Variants in TRPC5 observed in about 807,000 individuals in gnomAD.
TRPC5 encodes the protein transient receptor potential cation channel subfamily C member 5.
Under a neutral mutation model 56.5 loss-of-function variants are expected in TRPC5, and 9 were observed. The ratio of observed to expected loss-of-function variants is 0.16; its 90% CI spans 0.10 to 0.28. TRPC5 has a LOEUF of 0.28. Among genes scored for constraint, TRPC5 ranks in the 10% least tolerant of loss-of-function variants. The pLI, the probability that TRPC5 is intolerant of heterozygous loss-of-function variation, is 1.00. For missense variants in TRPC5, 469 were observed against 748.9 expected, an observed-to-expected ratio of 0.63 and a Z score of 4.36; for synonymous variants, 282 against 278.5, an observed-to-expected ratio of 1.01 and a Z score of -0.13.
At chrX:112,025,594 C>T (rs185791100) in intron 1 of TRPC5, among the ~76,000 whole-genome samples, 20 of 111,766 alleles carry the variant, frequency 1.8e-4, no homozygotes, top group Non-Finnish European at 3.0e-4. Flanking sequence ...CTTCCACTCT[C>T]CATGTGTTTG....
intron 7 of TRPC5, among the ~76,000 whole-genome samples, chrX:111,788,092 C>T (rs113963655): frequency 0.023 from 2,543 of 111,523 alleles, 68 homozygotes; most frequent in African/African-American, 0.079. Context: ...ATACCAAAGC[C>T]GGGCAGAGAT....
chrX:112,054,216 AC>A (rs1930285800), intron 1 of TRPC5, among the ~76,000 whole-genome samples: 3 of 111,214 alleles, frequency 2.7e-5, no homozygotes, highest in Non-Finnish European at 5.7e-5. Flanking sequence ...TATGGAGAGT[AC>A]CTCTTTGGGG....
Position 112,076,916 on chromosome X carries a change from C to T in TRPC5, c.-22+4963G>A, listed in dbSNP as rs764764698. ...TCTGTAGAAAACCCAGTAAGATTCA[C>T]GTCAATTAGAAATAATGCTAGGTGC... On this transcript the variant is annotated intron_variant, in intron 1 of 10. Coordinates refer to ENST00000262839, the MANE Select transcript of TRPC5 (RefSeq NM_012471.3). Among the ~76,000 whole-genome samples the T allele has an allele frequency of 7.1e-5, 8 of 111,986 alleles. No individual in the cohort carries two copies. The East Asian group carries it at 8.3e-4, about 12-fold the overall frequency.
intron 7 of TRPC5, among the ~76,000 whole-genome samples, chrX:111,792,559 C>T (rs981301937): frequency 6.3e-5 from 7 of 111,839 alleles, no homozygotes; most frequent in Non-Finnish European, 1.3e-4. Context: ...CAAGAGAATA[C>T]CTGGGAGAGG....
chrX:112,059,912 G>T (rs776863482), intron 1 of TRPC5, among the ~76,000 whole-genome samples: 1 of 112,016 alleles, frequency 8.9e-6, no homozygotes. Flanking sequence ...AAATGGATTT[G>T]TACTGAATTC....
chrX:111,776,138 A>T lies in TRPC5; in HGVS notation c.*175T>A, dbSNP rs1474982278. ...AAAAAGGCAAATAATAATGAAAGTA[A>T]TAATAAAACAAGAACAAAAATGGAG... On this transcript the variant is annotated 3_prime_UTR_variant, in exon 11 of 11. Coordinates refer to ENST00000262839, the MANE Select transcript of TRPC5 (RefSeq NM_012471.3). The T allele has an allele frequency of 3.7e-5, 16 of 430,149 alleles. No individual in the cohort carries two copies. Among genetic ancestry groups the T allele is most frequent in the Non-Finnish European group, 5.6e-5 (15 of 266,642 alleles). 35.4% of individuals were successfully genotyped at this position (430,149 alleles called of 1,213,427 possible).
intron 1 of TRPC5, among the ~76,000 whole-genome samples, chrX:112,045,206 G>A (rs1037068375): frequency 2.7e-4 from 30 of 111,840 alleles, no homozygotes; most frequent in African/African-American, 9.8e-4. Flanking sequence ...ATTATCTGAT[G>A]TGCCATAGAT....
intron 7 of TRPC5, among the ~76,000 whole-genome samples, chrX:111,814,038 A>G (rs1219417399): frequency 2.7e-5 from 3 of 112,689 alleles, no homozygotes; most frequent in Non-Finnish European, 5.6e-5. Context: ...GGACCTCACT[A>G]GAAATTATAC....
intron 7 of TRPC5, among the ~76,000 whole-genome samples, 164 bp from the exon 8 acceptor site, chrX:111,782,302 TATATC>T (rs941598235): frequency 1.8e-5 from 2 of 112,223 alleles, no homozygotes; most frequent in African/African-American, 6.5e-5. Flanking sequence ...CTCTTAGAAA[TATATC>T]TTATCAATAT....
intron 1 of TRPC5, among the ~76,000 whole-genome samples, chrX:112,080,625 G>A (rs1381669518): frequency 1.8e-5 from 2 of 111,446 alleles, no homozygotes; most frequent in South Asian, 3.8e-4. Flanking sequence ...AACGAACTTC[G>A]TACTATGTAA....
intron 7 of TRPC5, among the ~76,000 whole-genome samples, chrX:111,819,989 C>T (rs1209672128): frequency 8.9e-6 from 1 of 111,766 alleles, no homozygotes; most frequent in Non-Finnish European, 1.9e-5. Context: ...TTGTGAGGAT[C>T]GAATAAGACA....
chrX:111,784,003 C>G, intron 7 of TRPC5, among the ~76,000 whole-genome samples: 1 of 111,561 alleles, frequency 9.0e-6, no homozygotes, highest in African/African-American at 3.3e-5. Context: ...AACAATTGCT[C>G]TGACCCAATT....
intron 7 of TRPC5, among the ~76,000 whole-genome samples, chrX:111,791,821 A>G (rs1026522655): frequency 1.8e-5 from 2 of 112,367 alleles, no homozygotes; most frequent in Non-Finnish European, 3.8e-5. Context: ...CCCTGTGAGG[A>G]TAAAGCACTG....
At chrX:111,965,220 A>G (rs199668612) in intron 1 of TRPC5, among the ~76,000 whole-genome samples, 1 of 111,883 alleles carries the variant, frequency 8.9e-6, no homozygotes, top group East Asian at 2.8e-4. Context: ...GATCAAAGAG[A>G]CAAAGAAGGC....
intron 3 of TRPC5, chrX:111,896,443 A>G (rs965998502): frequency 9.1e-6 from 1 of 109,523 alleles, no homozygotes; most frequent in Non-Finnish European, 1.9e-5. Flanking sequence ...AAGTCTGCAA[A>G]TTGTTTAATA....
chrX:112,057,495 A>G (rs1214081989), intron 1 of TRPC5, among the ~76,000 whole-genome samples: 1 of 111,712 alleles, frequency 9.0e-6, no homozygotes, highest in Non-Finnish European at 1.9e-5. Context: ...CAAGCTTCAT[A>G]TAGTGCAAGC....
chrX:112,009,104 CAAG>C (rs1228483897), intron 1 of TRPC5, among the ~76,000 whole-genome samples: 6 of 111,905 alleles, frequency 5.4e-5, no homozygotes, highest in Non-Finnish European at 1.1e-4. Flanking sequence ...TTGACACAGC[CAAG>C]AAGAGGACAA....
intron 1 of TRPC5, among the ~76,000 whole-genome samples, chrX:112,052,616 G>A (rs751765298): frequency 7.2e-5 from 8 of 111,727 alleles, no homozygotes; most frequent in Non-Finnish European, 1.5e-4. Flanking sequence ...ATGCACAGAT[G>A]TTTTAAATTT....
At chrX:111,973,747 A>G (rs1198360907) in intron 1 of TRPC5, among the ~76,000 whole-genome samples, 3 of 112,382 alleles carry the variant, frequency 2.7e-5, no homozygotes. Context: ...CAATTAAACA[A>G]ATTACATTAG....
Sources: allele counts gnomAD v4.1 joint callset (sites outside exome capture counted in the v4.1 genomes callset), GRCh38; gene constraint gnomAD v4.1.1; transcripts MANE v1.5; gene names NCBI Gene and HGNC (gene_info 2026-07-23, HGNC 2026-07-21).